Variants in ABCG1 observed in about 807,000 individuals in gnomAD.
ABCG1 encodes the protein ATP binding cassette subfamily G member 1.
Under a neutral mutation model 69.2 loss-of-function variants are expected in ABCG1, and 29 were observed. That is an observed-to-expected ratio of 0.42 (90% CI 0.31 to 0.57). ABCG1 has a LOEUF of 0.57. ABCG1 is among the 20% of genes least tolerant of loss of function. The probability of loss-of-function intolerance (pLI) is 0.15; values close to 1 mark genes in which losing one functional copy is unlikely to be tolerated. For synonymous variants in ABCG1, 370 were observed against 374.8 expected (o/e 0.99, Z 0.15); for missense variants, 718 against 898.1 (o/e 0.80, Z 2.56).
In ABCG1 at chr21:42,275,263, C is replaced by T. The variant is rs542252905; in HGVS notation, c.538-1632C>T. ...AGGAACCTGTGGGGCTGTTCCCATT[C>T]GTGTTCCCTGGTCCTGCGTGTTCTG... On this transcript the variant is annotated intron_variant, in intron 4 of 14. Coordinates refer to ENST00000398449, the MANE Select transcript of ABCG1 (RefSeq NM_016818.3). Among the ~76,000 whole-genome samples the T allele has an allele frequency of 3.7e-4, 57 of 152,302 alleles. 1 individual carries two copies. The East Asian group carries it at 5.8e-3, about 15-fold the overall frequency.
At chr21:42,227,083 G>A (rs1271027352) in intron 2 of ABCG1, among the ~76,000 whole-genome samples, 1 of 152,154 alleles carries the variant, frequency 6.6e-6, no homozygotes, top group Non-Finnish European at 1.5e-5. Flanking sequence ...TTAGAGCTTT[G>A]AAAGACTGGT....
chr21:42,254,379 G>A (rs995858094), intron 2 of ABCG1, among the ~76,000 whole-genome samples: 1 of 152,178 alleles, frequency 6.6e-6, no homozygotes, highest in Admixed American at 6.5e-5. Flanking sequence ...CACTCACTGA[G>A]GGGTGGTAGG....
At chr21:42,220,450 C>T (rs1354155098) in intron 1 of ABCG1, among the ~76,000 whole-genome samples, 1 of 152,048 alleles carries the variant, frequency 6.6e-6, no homozygotes, top group Non-Finnish European at 1.5e-5. Context: ...GGTTTCTGCG[C>T]ATGCTCCGCT....
Position 42,273,240 on chromosome 21 carries a change from C to A in ABCG1, c.405-63C>A, listed in dbSNP as rs887736059. On this transcript the variant is annotated intron_variant, in intron 3 of 14. Coordinates refer to ENST00000398449, the MANE Select transcript of ABCG1 (RefSeq NM_016818.3). The surrounding 1 kb of genome is among the most constrained non-coding windows in gnomAD (Gnocchi z 5.3). ...CCCCGTCTCTGGCTCCCCTCTCCTG[C>A]CCCGGGAGGTGGAGGAGGAGCAGGA... 159 of 1,566,118 alleles carry A rather than the reference C, an allele frequency of 1.0e-4. No individual in the cohort carries two copies. The highest frequency in any genetic ancestry group is 1.3e-4 in the Non-Finnish European group (155 of 1,156,126).
rs750875225 is a variant in ABCG1 at position 42,275,331 on chromosome 21, C to T, written c.538-1564C>T. Among the ~76,000 whole-genome samples the T allele has an allele frequency of 3.9e-4, 60 of 152,166 alleles. 1 individual carries two copies. Among genetic ancestry groups the T allele is most frequent in the Non-Finnish European group, 7.3e-5 (5 of 68,040 alleles). On this transcript the variant is annotated intron_variant, in intron 4 of 14. Coordinates refer to ENST00000398449, the MANE Select transcript of ABCG1 (RefSeq NM_016818.3). ...TTCCCCTGGGCCCAGCATCCCTGGG[C>T]GGTGTGTGCCCCATGGAGCCCTGAC... is the stretch of plus-strand genomic sequence containing the variant.
In ABCG1 at chr21:42,288,346, G is replaced by T. The variant is rs745757036; in HGVS notation, c.1224+34G>T. 1 of 1,507,230 alleles carries T rather than the reference G, an allele frequency of 6.6e-7. No homozygotes were observed. Among genetic ancestry groups the T allele is most frequent in the Non-Finnish European group, 9.2e-7 (1 of 1,084,386 alleles). The allele number at this position is 1,507,230 out of a possible 1,614,324, so 93.4% of individuals were successfully genotyped here. A position where few individuals can be genotyped will look rare whatever the true frequency, so the allele number is the denominator to read the frequency against. ...GCCCGCATCTTCTCCTGTAGCTGGG[G>T]AACCCGTGGGTCATTTTCTCAGACT... is the stretch of plus-strand genomic sequence containing the variant. On this transcript the variant is annotated intron_variant, in intron 10 of 14. Coordinates refer to ENST00000398449, the MANE Select transcript of ABCG1 (RefSeq NM_016818.3). The surrounding 1 kb of genome is among the most constrained non-coding windows in gnomAD (Gnocchi z 4.8).
intron 2 of ABCG1, chr21:42,256,241 G>C (rs1450816000): frequency 1.4e-6 from 2 of 1,467,194 alleles, no homozygotes. Flanking sequence ...GATGCTAGCA[G>C]TGCAACAGAC....
chr21:42,255,911 G>A (rs2068296506), intron 2 of ABCG1, among the ~76,000 whole-genome samples: 1 of 152,230 alleles, frequency 6.6e-6, no homozygotes, highest in South Asian at 2.1e-4. Context: ...GGTTGATAGT[G>A]TAGTCTTTGG....
chr21:42,236,397 G>T (rs1569212792), intron 2 of ABCG1, among the ~76,000 whole-genome samples: 1 of 152,190 alleles, frequency 6.6e-6, no homozygotes, highest in African/African-American at 2.4e-5. Context: ...TTGAGTATCC[G>T]CAAGGCCTGG....
chr21:42,210,953 T>TTTCTTCTTCTTC (rs1232927102), intron 2 of ABCG1, among the ~76,000 whole-genome samples: 14 of 150,302 alleles, frequency 9.3e-5, no homozygotes, highest in African/African-American at 3.5e-4. Context: ...TTCTCATTTC[T>TTTCTTCTTCTTC]TTCTTCTTTT....
Position 42,219,966 on chromosome 21 carries a change from AC to A in ABCG1, c.42+663del, listed in dbSNP as rs2067695983. On this transcript the variant is annotated intron_variant, in intron 1 of 14. Transcript: ENST00000398449. This position sits in a 1 kb window ranked among gnomAD's most constrained non-coding sequence, Gnocchi z 5.3. ...CGCCGGAGAGAGAGACGCGGTGGGG[AC>A]AGGGATGCGCATTTCACTTCCCCGA... 6.4e-7 allele frequency: 1 copy of A among 1,552,022 alleles called. No homozygotes were observed. The highest frequency in any genetic ancestry group is 1.7e-4 in the Middle Eastern group (1 of 5,988).
rs560999594 is a variant in ABCG1, at chr21:42,207,627, G to A, written c.48+5904G>A. ...CTTCTCTGACATCACTGTGGGAGGG[G>A]ACGGGGGCACGGCACTGCCACCTTA... is the stretch of plus-strand genomic sequence containing the variant. On this transcript the variant is annotated intron_variant, in intron 2 of 15. Transcript: ENST00000398457. 6.5e-4 allele frequency among the ~76,000 whole-genome samples: 99 copies of A among 152,334 alleles called. 1 individual carries two copies. The highest frequency in any genetic ancestry group is 2.6e-3 in the Admixed American group (40 of 15,306).
intron 1 of ABCG1, among the ~76,000 whole-genome samples, chr21:42,224,159 A>G (rs1601350814): frequency 6.6e-6 from 1 of 152,232 alleles, no homozygotes; most frequent in African/African-American, 2.4e-5. Flanking sequence ...AACCAGACCT[A>G]GAGCGCATTG....
chr21:42,291,287 G>A lies in ABCG1; in HGVS notation c.1494+95G>A. 1 of 1,189,022 alleles carries A rather than the reference G, an allele frequency of 8.4e-7. No homozygotes were observed. The highest frequency in any genetic ancestry group is 1.2e-6 in the Non-Finnish European group (1 of 821,586). 73.7% of individuals were successfully genotyped at this position (1,189,022 alleles called of 1,614,324 possible). On this transcript the variant is annotated intron_variant, in intron 12 of 14. Transcript: ENST00000398449. This position sits in a 1 kb window ranked among gnomAD's most constrained non-coding sequence, Gnocchi z 6.4. ...AGAGGACCTGCCAGGGATGCAGGGT[G>A]ACATGGCCCGACTTCGGGAGCTCTG...
At position 42,288,001 on chromosome 21, in the gene ABCG1, G is replaced by A; in HGVS notation, c.1086G>A (p.Glu362=). The A allele has an allele frequency of 6.2e-7, 1 of 1,613,108 alleles. No individual in the cohort carries two copies. The highest frequency in any genetic ancestry group is 8.5e-7 in the Non-Finnish European group (1 of 1,179,416). Residue 362 remains glutamate, a synonymous_variant, in exon 9 of 15, where the codon GAG becomes GAA. Coordinates refer to ENST00000398449, the MANE Select transcript of ABCG1 (RefSeq NM_016818.3). This position sits in a 1 kb window ranked among gnomAD's most constrained non-coding sequence, Gnocchi z 4.8. ...DHKRDLGGDA[E]VNPFLWHRPS... ...AGAGAGACCTCGGGGGTGATGCCGA[G>A]GTGAACCCTTTTCTTTGGCACCGGC...
chr21:42,216,914 C>G (rs370676359), upstream of ABCG1, among the ~76,000 whole-genome samples: 1 of 152,202 alleles, frequency 6.6e-6, no homozygotes, highest in Non-Finnish European at 1.5e-5. Context: ...TTATTTCCCA[C>G]GTGGTGGGGA....
chr21:42,256,112 C>G (rs1366484097), intron 2 of ABCG1: 2 of 1,335,878 alleles, frequency 1.5e-6, no homozygotes, highest in South Asian at 2.1e-5. Context: ...GGGTGAGGCC[C>G]GTGACCTTCC....
intron 2 of ABCG1, among the ~76,000 whole-genome samples, chr21:42,230,665 A>G (rs2067887290): frequency 6.6e-6 from 1 of 152,254 alleles, no homozygotes; most frequent in South Asian, 2.1e-4. Context: ...GCCCATTCAC[A>G]CAAGGGTCTC....
At chr21:42,226,345 T>C (rs1170356884) in intron 2 of ABCG1, among the ~76,000 whole-genome samples, 1 of 152,192 alleles carries the variant, frequency 6.6e-6, no homozygotes, top group East Asian at 1.9e-4. Context: ...GCCAGTGACC[T>C]AGACTGACCT....
Sources: gnomAD v4.1 joint callset for allele counts (sites outside exome capture counted in the v4.1 genomes callset) on GRCh38, gnomAD v4.1.1 for gene constraint, Gnocchi (gnomAD v3.1) non-coding constraint, MANE v1.5 for transcripts, NCBI Gene and HGNC (gene_info 2026-07-23, HGNC 2026-07-21) for gene names.